ASXL1: variants seen among roughly 807,000 people sequenced by gnomAD.
ASXL1 encodes the protein ASXL transcriptional regulator 1.
ASXL1 carries 65 observed loss-of-function variants against 89.1 expected under a neutral mutation model. The observed-to-expected ratio is 0.73, with a 90% confidence interval of 0.60 to 0.90. The LOEUF (loss-of-function observed/expected upper bound fraction) is 0.90, where lower values mean the gene tolerates loss of function less well. ASXL1 is among the 40% of genes least tolerant of loss of function. The pLI, the probability that ASXL1 is intolerant of heterozygous loss-of-function variation, is 0.00. For synonymous variants in ASXL1, 739 were observed against 746.9 expected (o/e 0.99, Z 0.17); for missense variants, 1,786 against 1,942.9 (o/e 0.92, Z 1.52).
At chr20:32,370,036 AG>A (rs2048275484) in intron 4 of ASXL1, among the ~76,000 whole-genome samples, 1 of 152,134 alleles carries the variant, frequency 6.6e-6, no homozygotes, top group South Asian at 2.1e-4. Context: ...TGCCTTAATT[AG>A]GATTTTGTTG....
chr20:32,418,311 G>T (rs926810583), intron 4 of ASXL1, among the ~76,000 whole-genome samples: 2 of 152,150 alleles, frequency 1.3e-5, no homozygotes, highest in African/African-American at 2.4e-5. Context: ...GGTCAAGGCT[G>T]CAAATGAGCT....
chr20:32,438,483 C>T lies in ASXL1; in HGVS notation c.*1145C>T. On this transcript the variant is annotated 3_prime_UTR_variant, in exon 13 of 13. Transcript: ENST00000375687. ...GAGGGTGAAATGATTGACTTGTGACCTGCCAGGTTGCCCGATGCCCTGTTG... is the reference window on the plus strand; with the variant it reads ...GAGGGTGAAATGATTGACTTGTGACTTGCCAGGTTGCCCGATGCCCTGTTG... 4.3e-6 allele frequency: 1 copy of T among 233,606 alleles called. No homozygotes were observed. The highest frequency in any genetic ancestry group is 2.2e-5 in the African/African-American group (1 of 45,464). 14.5% of individuals were successfully genotyped at this position (233,606 alleles called of 1,614,324 possible). A position where few individuals can be genotyped will look rare whatever the true frequency, so the allele number is the denominator to read the frequency against.
intron 1 of ASXL1, among the ~76,000 whole-genome samples, chr20:32,365,077 G>A (rs772744136): frequency 2.6e-5 from 4 of 152,206 alleles, no homozygotes; most frequent in African/African-American, 4.8e-5. Context: ...TGGGTCTGGA[G>A]AAGAGGTGAA....
At chr20:32,377,103 A>G (rs533855209) in intron 4 of ASXL1, among the ~76,000 whole-genome samples, 1 of 119,226 alleles carries the variant, frequency 8.4e-6, no homozygotes, top group Non-Finnish European at 1.7e-5. Flanking sequence ...TATATTATAT[A>G]TAATATATTA....
chr20:32,436,994 T>C lies in ASXL1; in HGVS notation c.4282T>C (p.Ser1428Pro), dbSNP rs150925693. ...GGGGCTCAGTGAGCCTCTGGAGCCT[T>C]CTTCTCTCCCCTCCCAACTCAGCAT... ...GKGLSEPLEP[S>P]SLPSQLSIKQ... The change falls in exon 13 of 13, where the codon TCT becomes CCT. Residue 1428 changes from serine to proline, a missense_variant. Ser to Pro is a moderately conservative substitution (Grantham distance 74, BLOSUM62 -1). This residue lies in a region of ASXL1 where 1,418 missense variants were observed against 1,427.8 expected (regional missense o/e 0.99). Transcript: ENST00000375687. 6.0e-5 allele frequency: 97 copies of C among 1,613,874 alleles called. No homozygotes were observed. Among genetic ancestry groups the C allele is most frequent in the Non-Finnish European group, 7.3e-5 (86 of 1,179,982 alleles).
At chr20:32,415,012 GTTTT>G (rs1270590315) in intron 4 of ASXL1, among the ~76,000 whole-genome samples, 1 of 148,290 alleles carries the variant, frequency 6.7e-6, no homozygotes, top group East Asian at 2.0e-4. Flanking sequence ...TTGTTTGTTT[GTTTT>G]GTTTTGTTTG....
Position 32,436,892 on chromosome 20 carries a change from G to A in ASXL1, c.4180G>A (p.Glu1394Lys). ...NRKATGHSPL[E>K]LVGHLEGMPF... ...GAAAGCTACTGGGCATAGTCCCCTG[G>A]AACTGGTGGGTCACTTGGAAGGGAT... The change falls in exon 13 of 13, where the codon GAA becomes AAA. Residue 1394 changes from glutamate to lysine, a missense_variant. Physicochemically the swap from Glu to Lys is moderately conservative, Grantham distance 56 (BLOSUM62 1). Coordinates refer to ENST00000375687, the MANE Select transcript of ASXL1 (RefSeq NM_015338.6). 9.3e-6 allele frequency: 15 copies of A among 1,614,214 alleles called. No homozygotes were observed. The highest frequency in any genetic ancestry group is 1.3e-5 in the Non-Finnish European group (15 of 1,180,046).
intron 3 of ASXL1, 143 bp downstream of exon 3, chr20:32,367,872 G>A (rs1287143367): frequency 1.0e-5 from 7 of 691,262 alleles, no homozygotes; most frequent in Non-Finnish European, 1.6e-5. Context: ...ATAATATGTA[G>A]GAGTCACAGA....
At chr20:32,419,616 T>C (rs1336649797) in intron 4 of ASXL1, among the ~76,000 whole-genome samples, 1 of 152,016 alleles carries the variant, frequency 6.6e-6, no homozygotes, top group Admixed American at 6.6e-5. Context: ...TGTTATAAAT[T>C]ATATTTTTGT....
intron 4 of ASXL1, among the ~76,000 whole-genome samples, chr20:32,378,003 T>TGTG (rs56248414): frequency 1.2e-4 from 18 of 144,646 alleles, no homozygotes; most frequent in African/African-American, 2.0e-4. Context: ...TGTGTGTGTG[T>TGTG]TTTGGAGACA....
At chr20:32,411,137 A>G (rs1393237810) in intron 4 of ASXL1, among the ~76,000 whole-genome samples, 11 of 133,348 alleles carry the variant, frequency 8.2e-5, no homozygotes, top group African/African-American at 2.2e-4. Flanking sequence ...TCTGACATCT[A>G]TTAGTTGTGG....
rs1001366046 is a variant in ASXL1, at chr20:32,394,718, A to AT, written c.252+25608dup. 6.8e-3 allele frequency among the ~76,000 whole-genome samples: 1,005 copies of AT among 146,760 alleles called. 8 individuals carry two copies. The highest frequency in any genetic ancestry group is 0.019 in the African/African-American group (767 of 40,218). The stretch of plus-strand genomic sequence containing the variant: ...TTAAGTAGTCAATTTTTTTAAAACA[A>AT]TTTTTTTTTTTTTGAGACGGAGTCT... On this transcript the variant is annotated intron_variant, in intron 4 of 12. Coordinates refer to ENST00000375687, the MANE Select transcript of ASXL1 (RefSeq NM_015338.6).
intron 4 of ASXL1, among the ~76,000 whole-genome samples, chr20:32,411,557 T>TA (rs71336576): frequency 6.0e-5 from 8 of 133,544 alleles, no homozygotes; most frequent in Non-Finnish European, 1.2e-4. Context: ...TTTTTTTTTT[T>TA]AAAATATGAA....
intron 1 of ASXL1, chr20:32,360,695 G>A (rs1453185657): frequency 6.2e-6 from 1 of 162,068 alleles, no homozygotes; most frequent in East Asian, 1.3e-4. Context: ...TAGGAATTTG[G>A]GGTCCACTGT....
At chr20:32,383,541 T>C (rs2048525864) in intron 4 of ASXL1, among the ~76,000 whole-genome samples, 1 of 152,112 alleles carries the variant, frequency 6.6e-6, no homozygotes, top group Non-Finnish European at 1.5e-5. Context: ...TCTCCTGACC[T>C]TGTGATCCTC....
Position 32,434,891 on chromosome 20 carries a change from G to C in ASXL1, c.2179G>C (p.Glu727Gln), listed in dbSNP as rs1264581343. ...RREDLPSLRK[E>Q]ESCLLQRATV... is the part of the protein sequence containing the mutation. ...AGAGGACCTGCCTTCTCTGAGAAAG[G>C]AGGAAAGCTGCCTACTACAGAGGGC... The change falls in exon 13 of 13, where the codon GAG becomes CAG. Residue 727 changes from glutamate to glutamine, a missense_variant. By Grantham distance (29) the Glu-to-Gln change is conservative (BLOSUM62 2). Around this residue, in one of 3 missense-constraint regions of ASXL1, gnomAD observed 1,418 missense variants for 1,427.8 expected, o/e 0.99. Coordinates refer to ENST00000375687, the MANE Select transcript of ASXL1 (RefSeq NM_015338.6). 6.2e-7 allele frequency: 1 copy of C among 1,614,190 alleles called. No individual in the cohort carries two copies. The highest frequency in any genetic ancestry group is 8.5e-7 in the Non-Finnish European group (1 of 1,180,028).
Position 32,435,622 on chromosome 20 carries a change from C to T in ASXL1, c.2910C>T (p.Ser970=), listed in dbSNP as rs1353385541. The T allele has an allele frequency of 1.9e-6, 3 of 1,614,004 alleles. No individual in the cohort carries two copies. The highest frequency in any genetic ancestry group is 2.5e-6 in the Non-Finnish European group (3 of 1,180,040). ...TGCCATCTCGAGGAGGCAGTGACAG[C>T]AATGGCAGTTACTGTCAACAGGTGG... ...WTVPSRGGSD[S]NGSYCQQVDI... is the part of the protein sequence containing the mutation. Residue 970 remains serine (S), a synonymous_variant, in exon 13 of 13, where the codon AGC becomes AGT. Transcript: ENST00000375687.
At chr20:32,358,982 G>A in intron 1 of ASXL1, 150 bp downstream of exon 1, 2 of 869,566 alleles carry the variant, frequency 2.3e-6, no homozygotes, top group South Asian at 1.8e-5. Context: ...GCCCCGCAAG[G>A]CGAGGGGTGG....
In ASXL1 at chr20:32,433,289, G is replaced by A. The variant is rs756902273; in HGVS notation, c.1091G>A (p.Gly364Asp). ...FFEDYYGQKL[G>D]LTKEESLQQN... is the part of the protein sequence containing the mutation. ...GCTGTGATTTTGATTTGCAGGCTGG[G>A]TTTGACCAAAGAAGAGTCATTGCAG... Residue 364 changes from glycine (G) to aspartate (D), a missense_variant, in exon 12 of 13, where the codon GGT becomes GAT. By Grantham distance (94) the Gly-to-Asp change is moderately conservative. Transcript: ENST00000375687. 3.1e-6 allele frequency: 5 copies of A among 1,614,062 alleles called. No homozygotes were observed. The highest frequency in any genetic ancestry group is 2.2e-5 in the East Asian group (1 of 44,900).
Sources: allele counts gnomAD v4.1 joint callset (sites outside exome capture counted in the v4.1 genomes callset), GRCh38; gene constraint gnomAD v4.1.1; regional missense constraint gnomAD v4.1.1; transcripts MANE v1.5; gene names NCBI Gene and HGNC (gene_info 2026-07-23, HGNC 2026-07-21).